The following GRID2 variants were observed in gnomAD, a reference collection of about 807,000 sequenced individuals.
GRID2 encodes the protein glutamate ionotropic receptor delta type subunit 2, also known as glutamate receptor ionotropic, delta-2.
In GRID2, 33 loss-of-function variants were observed where a neutral mutation model predicts 114.8. The observed-to-expected ratio is 0.29, with a 90% CI of 0.22 to 0.38. The LOEUF (loss-of-function observed/expected upper bound fraction) is 0.38, where lower values mean the gene tolerates loss of function less well. Ranked by LOEUF, GRID2 falls within the 10% of genes least tolerant of loss-of-function variation. The probability of loss-of-function intolerance (pLI) is 1.00; values close to 1 mark genes in which losing one functional copy is unlikely to be tolerated. For synonymous variants in GRID2, 505 were observed against 449.9 expected (o/e 1.12, Z -1.55); for missense variants, 1,184 against 1,257.7 (o/e 0.94, Z 0.89).
intron 2 of GRID2, among the ~76,000 whole-genome samples, chr4:92,805,445 T>C (rs1340986127): frequency 6.6e-6 from 1 of 152,024 alleles, no homozygotes; most frequent in East Asian, 1.9e-4. Context: ...CACATCAGCA[T>C]TGGGTCTGAG....
intron 1 of GRID2, among the ~76,000 whole-genome samples, chr4:92,385,863 A>C (rs1729925695): frequency 7.0e-6 from 1 of 142,394 alleles, no homozygotes; most frequent in African/African-American, 2.6e-5. Flanking sequence ...GTGAAGAAAT[A>C]TATATAATAT....
At chr4:93,580,764 C>CT (rs1017383850) in intron 13 of GRID2, among the ~76,000 whole-genome samples, 3 of 146,524 alleles carry the variant, frequency 2.0e-5, no homozygotes, top group South Asian at 2.2e-4. Flanking sequence ...TTTTTTTTTT[C>CT]TTTTTTTTGG....
chr4:93,200,473 G>A (rs1255888193), intron 4 of GRID2, among the ~76,000 whole-genome samples: 1 of 152,072 alleles, frequency 6.6e-6, no homozygotes, highest in Non-Finnish European at 1.5e-5. Context: ...GGCTGAGGCA[G>A]GAGAATGGCG....
chr4:93,586,347 C>T (rs745589878), intron 13 of GRID2, among the ~76,000 whole-genome samples: 2 of 152,034 alleles, frequency 1.3e-5, no homozygotes, highest in Non-Finnish European at 2.9e-5. Context: ...ATCTCCAATT[C>T]TTCTGCTCAC....
chr4:93,388,585 A>G (rs1045287035), intron 8 of GRID2, among the ~76,000 whole-genome samples: 23 of 152,350 alleles, frequency 1.5e-4, no homozygotes, highest in Admixed American at 8.5e-4. Flanking sequence ...ATTGATGAAT[A>G]TAAATAATAA....
intron 13 of GRID2, among the ~76,000 whole-genome samples, chr4:93,530,762 T>C (rs1012098563): frequency 2.0e-5 from 3 of 152,158 alleles, no homozygotes; most frequent in Admixed American, 1.3e-4. Context: ...CTCTACAGCA[T>C]TGAGCTTGAT....
intron 2 of GRID2, among the ~76,000 whole-genome samples, chr4:92,761,577 A>C (rs1738014476): frequency 1.3e-5 from 2 of 152,204 alleles, no homozygotes; most frequent in Non-Finnish European, 2.9e-5. Context: ...GACTTCAAAG[A>C]ATCTGTCATG....
At chr4:92,945,397 A>G (rs769996170) in intron 2 of GRID2, among the ~76,000 whole-genome samples, 15 of 152,162 alleles carry the variant, frequency 9.9e-5, no homozygotes, top group East Asian at 7.7e-4. Context: ...TTTTTTCCCA[A>G]TGGGAGAAAC....
chr4:92,989,858 C>G (rs1005094994), intron 2 of GRID2, among the ~76,000 whole-genome samples: 1 of 151,854 alleles, frequency 6.6e-6, no homozygotes, highest in East Asian at 1.9e-4. Flanking sequence ...CAAAAACATC[C>G]GTTTATATGA....
intron 2 of GRID2, among the ~76,000 whole-genome samples, chr4:92,820,929 A>G (rs1457999712): frequency 1.3e-5 from 2 of 152,144 alleles, no homozygotes; most frequent in African/African-American, 2.4e-5. Context: ...AATTAACAAA[A>G]TAACCTAGAA....
chr4:92,704,486 C>T (rs1734843596), intron 2 of GRID2, among the ~76,000 whole-genome samples: 1 of 152,062 alleles, frequency 6.6e-6, no homozygotes, highest in African/African-American at 2.4e-5. Flanking sequence ...GCAAGGGAAC[C>T]ACATATCTCC....
At chr4:93,197,389 T>C (rs933958706) in intron 4 of GRID2, among the ~76,000 whole-genome samples, 9 of 152,128 alleles carry the variant, frequency 5.9e-5, no homozygotes, top group Non-Finnish European at 1.0e-4. Flanking sequence ...AAAATGCACA[T>C]AGTTGTAGTG....
At chr4:93,499,363 G>T (rs1727874880) in intron 12 of GRID2, among the ~76,000 whole-genome samples, 1 of 151,748 alleles carries the variant, frequency 6.6e-6, no homozygotes, top group Admixed American at 6.6e-5. Context: ...CTCAAAATTG[G>T]CTTGAAAAAC....
At chr4:93,513,293 T>G (rs1729376621) in intron 12 of GRID2, among the ~76,000 whole-genome samples, 1 of 152,194 alleles carries the variant, frequency 6.6e-6, no homozygotes, top group Non-Finnish European at 1.5e-5. Context: ...GTTACCACTT[T>G]TGGGTATCCT....
At chr4:92,504,176 C>T (rs1723832629) in intron 1 of GRID2, among the ~76,000 whole-genome samples, 2 of 152,046 alleles carry the variant, frequency 1.3e-5, no homozygotes, top group South Asian at 4.2e-4. Context: ...AGTAAAATTT[C>T]CATACCCAGA....
At chr4:93,169,778 A>G (rs1738617287) in intron 4 of GRID2, among the ~76,000 whole-genome samples, 2 of 152,212 alleles carry the variant, frequency 1.3e-5, no homozygotes, top group Non-Finnish European at 2.9e-5. Flanking sequence ...TTAAGGGTGA[A>G]TGGATTCAAT....
At chr4:92,645,668 C>G (rs572438664) in intron 2 of GRID2, among the ~76,000 whole-genome samples, 1 of 151,810 alleles carries the variant, frequency 6.6e-6, no homozygotes, top group African/African-American at 2.4e-5. Context: ...CTGCTCACTA[C>G]CCCCATGAGC....
At chr4:93,107,270 A>G (rs1484542852) in intron 3 of GRID2, among the ~76,000 whole-genome samples, 5 of 152,148 alleles carry the variant, frequency 3.3e-5, no homozygotes, top group African/African-American at 1.2e-4. Flanking sequence ...CTACACTCCA[A>G]CCTGGGTAAT....
At chr4:92,970,661 T>G (rs1187206376) in intron 2 of GRID2, among the ~76,000 whole-genome samples, 1 of 151,960 alleles carries the variant, frequency 6.6e-6, no homozygotes, top group Non-Finnish European at 1.5e-5. Flanking sequence ...TTAGAAATAG[T>G]GAGAAACTGT....
Sources: allele counts gnomAD v4.1 joint callset (sites outside exome capture counted in the v4.1 genomes callset), GRCh38; gene constraint gnomAD v4.1.1; transcripts MANE v1.5; gene names NCBI Gene and HGNC (gene_info 2026-07-23, HGNC 2026-07-21).